The following PARP8 variants were observed in gnomAD, a reference collection of about 807,000 sequenced individuals.
PARP8 encodes the protein protein mono-ADP-ribosyltransferase PARP8.
PARP8 carries 51 observed loss-of-function variants against 124.1 expected under a neutral mutation model. The ratio of observed to expected loss-of-function variants is 0.41; its 90% confidence interval spans 0.33 to 0.52. PARP8 has a LOEUF of 0.52. PARP8 is among the 20% of genes least tolerant of loss of function. The pLI, the probability that PARP8 is intolerant of heterozygous loss-of-function variation, is 0.21. For missense variants in PARP8, 860 were observed against 1,018.9 expected, an observed-to-expected ratio of 0.84 and a Z score of 2.12; for synonymous variants, 391 against 361.5, an observed-to-expected ratio of 1.08 and a Z score of -0.93.
chr5:50,674,405 C>T (rs1316988347), intron 2 of PARP8, among the ~76,000 whole-genome samples: 1 of 152,230 alleles, frequency 6.6e-6, no homozygotes, highest in Non-Finnish European at 1.5e-5. Context: ...TCATCCCATC[C>T]CATGTCAACA....
At chr5:50,675,651 T>C (rs918045819) in intron 2 of PARP8, among the ~76,000 whole-genome samples, 43 of 152,234 alleles carry the variant, frequency 2.8e-4, no homozygotes, top group African/African-American at 1.0e-3. Context: ...GTTGTTATTA[T>C]CCAAGAATTG....
In PARP8 at chr5:50,833,977, A is replaced by T. The variant is rs1747280331; in HGVS notation, c.2308-2A>T. 1 of 1,610,442 alleles carries T rather than the reference A, an allele frequency of 6.2e-7. No individual in the cohort carries two copies. The highest frequency in any genetic ancestry group is 1.3e-5 in the African/African-American group (1 of 74,744). On this transcript the variant is annotated splice_acceptor_variant, in intron 23 of 25. Transcript: ENST00000281631. LOFTEE classifies it high-confidence loss of function. ...TAAGTTTTAATTGTTTTTGGAATTT[A>T]GTCACAGAAAAAAGGACAGCAATCC...
At chr5:50,679,309 C>T (rs886590875) in intron 2 of PARP8, among the ~76,000 whole-genome samples, 4 of 152,132 alleles carry the variant, frequency 2.6e-5, no homozygotes, top group African/African-American at 7.2e-5. Context: ...CAGATGCCAG[C>T]GTTAATGCTT....
At chr5:50,733,819 T>C (rs1481153793) in intron 2 of PARP8, among the ~76,000 whole-genome samples, 1 of 152,196 alleles carries the variant, frequency 6.6e-6, no homozygotes, top group Non-Finnish European at 1.5e-5. Flanking sequence ...CCAGATTCCC[T>C]ACAGTTTCTT....
At chr5:50,808,249 G>C (rs1411721817) in intron 14 of PARP8, among the ~76,000 whole-genome samples, 1 of 151,636 alleles carries the variant, frequency 6.6e-6, no homozygotes, top group Admixed American at 6.6e-5. Flanking sequence ...AGTATTTAAA[G>C]GGGAAAGAGC....
At chr5:50,838,316 G>T (rs1244722171) in intron 25 of PARP8, among the ~76,000 whole-genome samples, 1 of 151,876 alleles carries the variant, frequency 6.6e-6, no homozygotes, top group Non-Finnish European at 1.5e-5. Context: ...TTGTCCCAAT[G>T]CCTTTATTCC....
rs1745734440 is a variant in PARP8 at position 50,821,258 on chromosome 5, C to T, written c.1714C>T (p.Pro572Ser). 1 of 1,613,166 alleles carries T rather than the reference C, an allele frequency of 6.2e-7. No homozygotes were observed. The highest frequency in any genetic ancestry group is 1.3e-5 in the African/African-American group (1 of 74,806). Residue 572 changes from proline to serine, a missense_variant, in exon 16 of 26, where the codon CCT (proline) becomes TCT (serine). Physicochemically the swap from Pro to Ser is moderately conservative, Grantham distance 74. Coordinates refer to ENST00000281631, the MANE Select transcript of PARP8 (RefSeq NM_024615.4). ...CATGTGTAGGTCTGCGTTGGAATCT[C>T]CTAGAAAAGTTGTGATTTTCGAGCC... ...VSMCRSALESPRKVVIFEPYP... is the reference protein window; with the variant it reads ...VSMCRSALESSRKVVIFEPYP...
At chr5:50,736,375 T>A (rs1757479339) in intron 2 of PARP8, among the ~76,000 whole-genome samples, 1 of 152,158 alleles carries the variant, frequency 6.6e-6, no homozygotes, top group Admixed American at 6.5e-5. Flanking sequence ...TTGTAATGGA[T>A]ATGCTATTAC....
At chr5:50,744,636 A>G (rs1392665061) in intron 2 of PARP8, 4 of 674,170 alleles carry the variant, frequency 5.9e-6, no homozygotes, top group South Asian at 4.8e-5. Flanking sequence ...TACCAAACAC[A>G]TATTTGACTG....
chr5:50,845,383 A>G lies in PARP8; in HGVS notation c.*3315A>G, dbSNP rs1458787095. ...GGGGACACTCAACATTGGGTCATCT[A>G]CCGTCTAAATAAATACGGATTTCAT... On this transcript the variant is annotated 3_prime_UTR_variant, in exon 26 of 26. Coordinates refer to ENST00000281631, the MANE Select transcript of PARP8 (RefSeq NM_024615.4). 17 of 151,748 alleles carry G rather than the reference A, an allele frequency of 1.1e-4. No homozygotes were observed. Among genetic ancestry groups the G allele is most frequent in the Non-Finnish European group, 1.6e-4 (11 of 67,776 alleles). The allele number at this position is 151,748 out of a possible 1,614,324, so 9.4% of individuals were successfully genotyped here. A position where few individuals can be genotyped will look rare whatever the true frequency, so the allele number is the denominator to read the frequency against.
chr5:50,792,198 A>G (rs1429832033), intron 10 of PARP8, among the ~76,000 whole-genome samples: 1 of 152,150 alleles, frequency 6.6e-6, no homozygotes, highest in Non-Finnish European at 1.5e-5. Flanking sequence ...TGGTGCCAGC[A>G]CAATAGTAAA....
intron 9 of PARP8, among the ~76,000 whole-genome samples, chr5:50,785,376 A>G (rs1423324970): frequency 6.6e-6 from 1 of 152,112 alleles, no homozygotes; most frequent in East Asian, 1.9e-4. Context: ...CTACATATGT[A>G]TCATACGCAG....
At chr5:50,801,573 A>G (rs1743234521) in intron 14 of PARP8, among the ~76,000 whole-genome samples, 1 of 152,166 alleles carries the variant, frequency 6.6e-6, no homozygotes, top group African/African-American at 2.4e-5. Flanking sequence ...GATGTTGAAC[A>G]TTTGTATCAT....
At chr5:50,748,738 TTC>T (rs1009457159) in intron 2 of PARP8, among the ~76,000 whole-genome samples, 27 of 152,346 alleles carry the variant, frequency 1.8e-4, no homozygotes, top group African/African-American at 6.3e-4. Context: ...CGTTTTATTT[TTC>T]TCTGACTTCT....
At chr5:50,728,935 T>A (rs988413846) in intron 2 of PARP8, among the ~76,000 whole-genome samples, 1 of 152,142 alleles carries the variant, frequency 6.6e-6, no homozygotes, top group Non-Finnish European at 1.5e-5. Flanking sequence ...AGATGTTTGT[T>A]GATGTTGAAA....
At chr5:50,805,167 A>G (rs1743688624) in intron 14 of PARP8, among the ~76,000 whole-genome samples, 1 of 152,110 alleles carries the variant, frequency 6.6e-6, no homozygotes, top group Non-Finnish European at 1.5e-5. Flanking sequence ...TCCTTATTTC[A>G]AAGTTTTAAA....
Position 50,668,109 on chromosome 5 carries a change from G to T in PARP8, c.130G>T (p.Val44Phe). ...TGACTCCACCTTTACTTTTACCTAC[G>T]TTGGCGGCCCCAGAAGGTATTTATG... is the stretch of plus-strand genomic sequence containing the variant. ...YSDSTFTFTY[V>F]GGPRSVSYSV... The change falls in exon 2 of 26, where the codon GTT becomes TTT. Residue 44 changes from valine to phenylalanine, a missense_variant. Around this residue, in one of 2 missense-constraint regions of PARP8, gnomAD observed 517 missense variants for 544.2 expected, o/e 0.95. Coordinates refer to ENST00000281631, the MANE Select transcript of PARP8 (RefSeq NM_024615.4). 2 of 1,611,552 alleles carry T rather than the reference G, an allele frequency of 1.2e-6. No homozygotes were observed. Among genetic ancestry groups the T allele is most frequent in the Non-Finnish European group, 1.7e-6 (2 of 1,179,634 alleles).
chr5:50,715,173 C>T (rs1341494666), intron 2 of PARP8, among the ~76,000 whole-genome samples: 7 of 152,008 alleles, frequency 4.6e-5, no homozygotes, highest in African/African-American at 7.2e-5. Flanking sequence ...CAAACAGTAA[C>T]GTAAATTCAC....
intron 2 of PARP8, among the ~76,000 whole-genome samples, chr5:50,706,892 T>G (rs1449525960): frequency 1.3e-5 from 2 of 152,100 alleles, no homozygotes; most frequent in Non-Finnish European, 1.5e-5. Context: ...TAATTCAGAT[T>G]CTAATAGTGC....
Sources: gnomAD v4.1 joint callset for allele counts (sites outside exome capture counted in the v4.1 genomes callset) on GRCh38, gnomAD v4.1.1 for gene constraint, gnomAD v4.1.1 regional missense constraint, MANE v1.5 for transcripts, NCBI Gene and HGNC (gene_info 2026-07-23, HGNC 2026-07-21) for gene names.